BUB1B: variants seen among roughly 807,000 people sequenced by gnomAD.
The protein encoded by BUB1B is BUB1 mitotic checkpoint serine/threonine kinase B.
BUB1B carries 86 observed loss-of-function variants against 137.7 expected under a neutral mutation model. The observed-to-expected ratio is 0.62, with a 90% CI of 0.52 to 0.75. The LOEUF is 0.75. Ranked by LOEUF, BUB1B falls within the 30% of genes least tolerant of loss-of-function variation. The pLI, the probability that BUB1B is intolerant of heterozygous loss-of-function variation, is 0.00. For synonymous variants in BUB1B, 420 were observed against 417.9 expected, an observed-to-expected ratio of 1.00 and a Z score of -0.06; for missense variants, 1,130 against 1,236.9, an observed-to-expected ratio of 0.91 and a Z score of 1.30.
intron 15 of BUB1B, 146 bp from the exon 16 acceptor site, chr15:40,208,491 T>A: frequency 1.3e-6 from 1 of 742,598 alleles, no homozygotes; most frequent in Non-Finnish European, 2.2e-6. Context: ...TGAGCCAAGA[T>A]CATGCAGTTG....
chr15:40,186,851 T>G (rs1199111053), intron 8 of BUB1B: 5 of 152,108 alleles, frequency 3.3e-5, no homozygotes, highest in African/African-American at 1.2e-4. Flanking sequence ...ATTAAGATTT[T>G]GAGCAAAAAT....
chr15:40,206,661 T>G (rs1171974452), intron 15 of BUB1B, among the ~76,000 whole-genome samples: 1 of 152,056 alleles, frequency 6.6e-6, no homozygotes, highest in Non-Finnish European at 1.5e-5. Context: ...AAAAGTAAAT[T>G]TTGATGGTAG....
chr15:40,170,276 A>T, intron 3 of BUB1B, 155 bp downstream of exon 3: 1 of 806,462 alleles, frequency 1.2e-6, no homozygotes, highest in South Asian at 1.7e-5. Context: ...TATCTTCCTG[A>T]GGTGTTTAAG....
At chr15:40,190,187 A>C (rs923484733) in intron 8 of BUB1B, among the ~76,000 whole-genome samples, 6 of 152,240 alleles carry the variant, frequency 3.9e-5, no homozygotes, top group African/African-American at 1.4e-4. Flanking sequence ...TTGCAGTTTG[A>C]GGTATGACAG....
intron 20 of BUB1B, among the ~76,000 whole-genome samples, chr15:40,214,141 C>G (rs2037747221): frequency 6.6e-6 from 1 of 152,198 alleles, no homozygotes; most frequent in Non-Finnish European, 1.5e-5. Flanking sequence ...AGGCACTACT[C>G]AGTTTCATAG....
Position 40,180,275 on chromosome 15 carries a change from A to ATGGAGTCTTGCTCTGTCACCCAGGC in BUB1B, c.582-3432_582-3408dup, listed in dbSNP as rs2037271803. On this transcript the variant is annotated intron_variant, in intron 5 of 22. Coordinates refer to ENST00000287598, the MANE Select transcript of BUB1B (RefSeq NM_001211.6). ...TCTTTTTTTTTTTTTTTTTTTTGAGATGGAGTCTTGCTCTGTCACCCAGGC... is the reference window on the plus strand; with the variant it reads ...TCTTTTTTTTTTTTTTTTTTTTGAGATGGAGTCTTGCTCTGTCACCCAGGCTGGAGTCTTGCTCTGTCACCCAGGC... Among the ~76,000 whole-genome samples the ATGGAGTCTTGCTCTGTCACCCAGGC allele has an allele frequency of 5.6e-5, 5 of 88,962 alleles. No individual in the cohort carries two copies. The Admixed American group carries it at 7.4e-4, about 13-fold the overall frequency. 58.4% of individuals were successfully genotyped at this position (88,962 alleles called of 152,430 possible).
chr15:40,188,582 C>CTTTTTT (rs773801578), intron 8 of BUB1B, among the ~76,000 whole-genome samples: 1 of 121,726 alleles, frequency 8.2e-6, no homozygotes, highest in Non-Finnish European at 1.7e-5. Context: ...TTTAAGTTTT[C>CTTTTTT]TTTTTTTTTT....
chr15:40,172,677 A>G (rs142726421), intron 4 of BUB1B, among the ~76,000 whole-genome samples: 1 of 152,238 alleles, frequency 6.6e-6, no homozygotes, highest in Non-Finnish European at 1.5e-5. Context: ...ATGTGAACCT[A>G]TGCAGTTCAG....
At position 40,202,702 on chromosome 15, in the gene BUB1B, G is replaced by C; in HGVS notation, c.1734+8G>C. ...GTGTCTCCAGATGTTTGTGTAAGGA[G>C]CAGTATCCTTAAGTTAATGTAAATG... On this transcript the variant is annotated splice_region_variant and intron_variant, in intron 14 of 22. Coordinates refer to ENST00000287598, the MANE Select transcript of BUB1B (RefSeq NM_001211.6). The C allele has an allele frequency of 6.3e-7, 1 of 1,599,552 alleles. No homozygotes were observed. The highest frequency in any genetic ancestry group is 8.6e-7 in the Non-Finnish European group (1 of 1,166,750).
In BUB1B at chr15:40,220,711, A is replaced by G. The variant is rs576684184; in HGVS notation, c.3105A>G (p.Leu1035=). ...TTFQSHLNKA[L]WKVGKLTSPG... ...TCCAAAGTCACCTGAACAAAGCCTT[A>G]TGGAAGGTAGGGAAGTTAACTAGTC... is the stretch of plus-strand genomic sequence containing the variant. Residue 1035 remains leucine, a synonymous_variant, in exon 23 of 23, where the codon TTA becomes TTG. Transcript: ENST00000287598. The G allele has an allele frequency of 1.4e-5, 23 of 1,614,208 alleles. No homozygotes were observed. The highest frequency in any genetic ancestry group is 1.7e-5 in the Admixed American group (1 of 60,030).
intron 5 of BUB1B, among the ~76,000 whole-genome samples, chr15:40,177,005 G>A (rs953875530): frequency 1.3e-5 from 2 of 152,112 alleles, no homozygotes; most frequent in African/African-American, 4.8e-5. Flanking sequence ...CCAGCCTGTG[G>A]TTTTGCCTTT....
intron 2 of BUB1B, 144 bp downstream of exon 2, chr15:40,165,340 TC>T: frequency 9.5e-7 from 1 of 1,054,350 alleles, no homozygotes; most frequent in Non-Finnish European, 1.4e-6. Flanking sequence ...TGCTTTCGTA[TC>T]ACATGACAGC....
chr15:40,193,456 T>C (rs2037460874), intron 8 of BUB1B, among the ~76,000 whole-genome samples: 1 of 148,996 alleles, frequency 6.7e-6, no homozygotes, highest in African/African-American at 2.5e-5. Flanking sequence ...TTTTTTTATA[T>C]GCTTATTACC....
intron 8 of BUB1B, among the ~76,000 whole-genome samples, chr15:40,188,184 A>AT (rs2037391908): frequency 6.6e-6 from 1 of 152,160 alleles, no homozygotes; most frequent in South Asian, 2.1e-4. Context: ...AGTAGCTGGG[A>AT]TTACAGGTTC....
chr15:40,187,289 C>T (rs2037379111), intron 8 of BUB1B, among the ~76,000 whole-genome samples: 1 of 152,078 alleles, frequency 6.6e-6, no homozygotes, highest in African/African-American at 2.4e-5. Flanking sequence ...CCACGCCTGG[C>T]TAATTTTTTC....
chr15:40,179,316 T>C (rs1285469995), intron 5 of BUB1B, among the ~76,000 whole-genome samples: 1 of 152,156 alleles, frequency 6.6e-6, no homozygotes, highest in Non-Finnish European at 1.5e-5. Context: ...ATTCATCAGT[T>C]AGTGAACATT....
chr15:40,218,856 G>A (rs1227513747), intron 22 of BUB1B, among the ~76,000 whole-genome samples: 2 of 152,214 alleles, frequency 1.3e-5, no homozygotes, highest in Admixed American at 6.5e-5. Flanking sequence ...GTGAAAAGAA[G>A]CATTTCATGA....
chr15:40,213,359 AC>A lies in BUB1B; in HGVS notation c.2566del (p.His856MetfsTer3), dbSNP rs749762155. On this transcript the variant is annotated frameshift_variant, in exon 20 of 23. Coordinates refer to ENST00000287598, the MANE Select transcript of BUB1B (RefSeq NM_001211.6). LOFTEE classifies it high-confidence loss of function. ...QDLLQHSEYI[T>X]HEITVLIIYN... Reference sequence around the variant, plus strand: ...TCTTCTCCAACACAGTGAATATATTACCCATGAAATAACAGTGTTGATTATT... The same window carrying A: ...TCTTCTCCAACACAGTGAATATATTACCATGAAATAACAGTGTTGATTATT... 2.5e-6 allele frequency: 4 copies of A among 1,613,918 alleles called. No individual in the cohort carries two copies. Among genetic ancestry groups the A allele is most frequent in the Admixed American group, 1.7e-5 (1 of 60,024 alleles).
rs548140291 is a variant in BUB1B, at chr15:40,190,880, G to A, written c.1058+5238G>A. 5.3e-5 allele frequency among the ~76,000 whole-genome samples: 8 copies of A among 150,060 alleles called. No homozygotes were observed. In the South Asian group the frequency reaches 1.0e-3, roughly 20 times the overall value. On this transcript the variant is annotated intron_variant, in intron 8 of 22. Coordinates refer to ENST00000287598, the MANE Select transcript of BUB1B (RefSeq NM_001211.6). ...GGGATTTCATCAGGATAGTCAGAAC[G>A]CCTTGTAATTTTTTTTTTTTTTTTT...
Sources: allele counts gnomAD v4.1 joint callset (sites outside exome capture counted in the v4.1 genomes callset), GRCh38; gene constraint gnomAD v4.1.1; transcripts MANE v1.5; gene names NCBI Gene and HGNC (gene_info 2026-07-23, HGNC 2026-07-21).